The following FBXW5 variants were observed in gnomAD, a reference collection of about 807,000 sequenced individuals.
FBXW5 encodes the protein F-box/WD repeat-containing protein 5.
A neutral mutation model predicts 50.9 loss-of-function variants in FBXW5; 74 were observed. The observed-to-expected ratio is 1.45, with a 90% CI of 1.20 to 1.76. The LOEUF (loss-of-function observed/expected upper bound fraction) is 1.76, where lower values mean the gene tolerates loss of function less well. FBXW5 is among the 40% of genes most tolerant of loss of function. The pLI is 0.00. For synonymous variants in FBXW5, 523 were observed against 362.2 expected, an observed-to-expected ratio of 1.44 and a Z score of -5.04; for missense variants, 1,073 against 818.8, an observed-to-expected ratio of 1.31 and a Z score of -3.79.
intron 3 of FBXW5, 134 bp from the exon 4 acceptor site, chr9:136,943,077 A>T: frequency 1.5e-6 from 2 of 1,369,302 alleles, no homozygotes; most frequent in African/African-American, 1.4e-5. Flanking sequence ...CCTTCCAGCC[A>T]CTGTCATCCA....
intron 1 of FBXW5, chr9:136,944,314 T>G: frequency 1.3e-5 from 8 of 606,730 alleles, no homozygotes; most frequent in Non-Finnish European, 1.9e-5. Flanking sequence ...TCCCCCGGCC[T>G]CCTGCGGCCG....
Position 136,940,996 on chromosome 9 carries a change from G to A in FBXW5, c.1633C>T (p.Arg545Cys), listed in dbSNP as rs1425370792. 5.8e-6 allele frequency: 9 copies of A among 1,556,446 alleles called. No individual in the cohort carries two copies. Among genetic ancestry groups the A allele is most frequent in the East Asian group, 4.8e-5 (2 of 41,400 alleles). Residue 545 changes from arginine to cysteine, a missense_variant, in exon 9 of 9, where the codon CGC becomes TGC. Arg to Cys is a radical substitution (Grantham distance 180). Coordinates refer to ENST00000325285, the MANE Select transcript of FBXW5 (RefSeq NM_018998.4). ...IKAWRSPRTM[R>C]VLQAPRPRPR... is the part of the protein sequence containing the mutation. Reference sequence around the variant, plus strand: ...CGTGGGCGAGGTGCCTGGAGGACGCGCATGGTGCGTGGGGAGCGCCAGGCT... The same window carrying A: ...CGTGGGCGAGGTGCCTGGAGGACGCACATGGTGCGTGGGGAGCGCCAGGCT...
In FBXW5 at chr9:136,943,975, G is replaced by T; in HGVS notation, c.109C>A (p.Gln37Lys). 6.3e-7 allele frequency: 1 copy of T among 1,577,560 alleles called. No homozygotes were observed. Residue 37 changes from glutamine (Q) to lysine (K), a missense_variant, in exon 2 of 9, where the codon CAG becomes AAG. Physicochemically the swap from Gln to Lys is moderately conservative, Grantham distance 53. Transcript: ENST00000325285. Reference sequence around the variant, plus strand: ...AGGAACTCGTCCCGCGACACGGCCTGCCATTGGCGGCACACCAGCCCGGCG... The same window carrying T: ...AGGAACTCGTCCCGCGACACGGCCTTCCATTGGCGGCACACCAGCCCGGCG... ...LAAGLVCRQW[Q>K]AVSRDEFLWR...
rs1850708343 is a variant in FBXW5, at chr9:136,940,500, C to T, written c.*428G>A. ...TGCGTGGACATGCAACACACTCGGG[C>T]CCACAGCAGCGTGACCGGCCGCTCC... is the stretch of plus-strand genomic sequence containing the variant. On this transcript the variant is annotated 3_prime_UTR_variant, in exon 9 of 9. Coordinates refer to ENST00000325285, the MANE Select transcript of FBXW5 (RefSeq NM_018998.4). The T allele has an allele frequency of 4.0e-6, 1 of 252,990 alleles. No individual in the cohort carries two copies. The highest frequency in any genetic ancestry group is 2.2e-5 in the African/African-American group (1 of 45,428). 15.7% of individuals were successfully genotyped at this position (252,990 alleles called of 1,614,324 possible).
intron 1 of FBXW5, chr9:136,944,346 G>A (rs1038215935): frequency 3.2e-6 from 2 of 616,078 alleles, no homozygotes; most frequent in African/African-American, 2.0e-5. Flanking sequence ...CCCTCAGCCC[G>A]CCAGGGCCCG....
rs1009004185 is a variant in FBXW5 at position 136,940,825 on chromosome 9, C to CTTACG, written c.*102_*103insCGTAA. On this transcript the variant is annotated 3_prime_UTR_variant, in exon 9 of 9. Coordinates refer to ENST00000325285, the MANE Select transcript of FBXW5 (RefSeq NM_018998.4). ...GGGCCTGGTTGTCCCCTTCCTAAGG[C>CTTACG]GTAACTGCTATAAGCATCTCCACCT... 1 of 1,448,344 alleles carries CTTACG rather than the reference C, an allele frequency of 6.9e-7. No homozygotes were observed. Among genetic ancestry groups the CTTACG allele is most frequent in the African/African-American group, 1.4e-5 (1 of 71,032 alleles). 89.7% of individuals were successfully genotyped at this position (1,448,344 alleles called of 1,614,324 possible).
chr9:136,943,215 G>T, intron 3 of FBXW5, 134 bp downstream of exon 3: 1 of 1,235,960 alleles, frequency 8.1e-7, no homozygotes, highest in Non-Finnish European at 1.1e-6. Context: ...TCCGCTGGAT[G>T]CAGGGAGGCT....
rs998345583 is a variant in FBXW5 at position 136,940,938 on chromosome 9, T to C, written c.1691A>G (p.Gln564Arg). 3 of 1,576,482 alleles carry C rather than the reference T, an allele frequency of 1.9e-6. No individual in the cohort carries two copies. The highest frequency in any genetic ancestry group is 2.3e-5 in the South Asian group (2 of 87,190). ...TGCACCCAGCACACCTCAGCGCCTC[T>C]GGCTGGCAAGCCAGGAGAAGAAGGT... ...PRTFFSWLAS[Q>R]RR is the part of the protein sequence containing the mutation. Residue 564 changes from glutamine to arginine, a missense_variant, in exon 9 of 9, where the codon CAG (glutamine) becomes CGG (arginine). Transcript: ENST00000325285.
In FBXW5 at chr9:136,942,758, C is replaced by T; in HGVS notation, c.526+11G>A. 2 of 1,612,552 alleles carry T rather than the reference C, an allele frequency of 1.2e-6. No individual in the cohort carries two copies. The highest frequency in any genetic ancestry group is 1.7e-6 in the Non-Finnish European group (2 of 1,179,856). ...GGGCGGGGGCAGGGTCAACCCGCCG[C>T]CCGTGCTCACCTAGGCTGATGACAG... On this transcript the variant is annotated intron_variant, in intron 4 of 8. Coordinates refer to ENST00000325285, the MANE Select transcript of FBXW5 (RefSeq NM_018998.4).
Position 136,942,431 on chromosome 9 carries a change from C to T in FBXW5, c.711G>A (p.Arg237=), listed in dbSNP as rs1176055968. The T allele has an allele frequency of 6.2e-7, 1 of 1,601,942 alleles. No homozygotes were observed. Among genetic ancestry groups the T allele is most frequent in the African/African-American group, 1.3e-5 (1 of 74,788 alleles). ...VESENVNVVK[R]LFKIQNLNAS... ...CATTGAGGTTCTGGATCTTGAACAGCCGCTTCACCACGTTGACGTTCTCTG... is the reference window on the plus strand; with the variant it reads ...CATTGAGGTTCTGGATCTTGAACAGTCGCTTCACCACGTTGACGTTCTCTG... The change falls in exon 6 of 9, where the codon CGG becomes CGA. Residue 237 remains arginine, a synonymous_variant. Coordinates refer to ENST00000325285, the MANE Select transcript of FBXW5 (RefSeq NM_018998.4).
At position 136,942,367 on chromosome 9, in the gene FBXW5, G is replaced by A. The variant is rs573386356; in HGVS notation, c.775C>T (p.Arg259Cys). The change falls in exon 6 of 9, where the codon CGC (arginine) becomes TGC (cysteine). Residue 259 changes from arginine to cysteine, a missense_variant. Arg to Cys is a radical substitution (Grantham distance 180). Coordinates refer to ENST00000325285, the MANE Select transcript of FBXW5 (RefSeq NM_018998.4). ...VRTVMVADCS[R>C]FDSPDLLLEA... ...AGCAGCAGGTCAGGGCTGTCGAAGC[G>A]GCTGCAGTCGGCCACCATCACCGTG... is the stretch of plus-strand genomic sequence containing the variant. 3.7e-5 allele frequency: 59 copies of A among 1,610,054 alleles called. No individual in the cohort carries two copies. In the South Asian group the frequency reaches 5.0e-4, roughly 14 times the overall value.
rs749869265 is a variant in FBXW5, at chr9:136,942,759, C to T, written c.526+10G>A. On this transcript the variant is annotated intron_variant, in intron 4 of 8. Transcript: ENST00000325285. ...GGCGGGGGCAGGGTCAACCCGCCGC[C>T]CGTGCTCACCTAGGCTGATGACAGC... 1 of 1,612,008 alleles carries T rather than the reference C, an allele frequency of 6.2e-7. No homozygotes were observed. Among genetic ancestry groups the T allele is most frequent in the African/African-American group, 1.3e-5 (1 of 74,734 alleles).
At position 136,942,631 on chromosome 9, in the gene FBXW5, G is replaced by T. The variant is rs201987845; in HGVS notation, c.591C>A (p.Thr197=). ...GGTTCCCCGAGATGAGGCTGGTCTC[G>T]GTGAGCCAACAGCCAAACACGTCAT... is the stretch of plus-strand genomic sequence containing the variant. ...KPYDVFGCWL[T]ETSLISGNLH... Residue 197 remains threonine, a synonymous_variant, in exon 5 of 9, where the codon ACC becomes ACA. Coordinates refer to ENST00000325285, the MANE Select transcript of FBXW5 (RefSeq NM_018998.4). The T allele has an allele frequency of 3.1e-6, 5 of 1,609,446 alleles. No homozygotes were observed. Among genetic ancestry groups the T allele is most frequent in the African/African-American group, 1.3e-5 (1 of 74,950 alleles).
In FBXW5 at chr9:136,940,617, G is replaced by A. The variant is rs3750516; in HGVS notation, c.*311C>T. On this transcript the variant is annotated 3_prime_UTR_variant, in exon 9 of 9. Transcript: ENST00000325285. ...CCACAGGACCAGCCGAAGGTGCCCC[G>A]GGCCGAGGCCAGCTGGGTCAGGTGT... The A allele has an allele frequency of 2.7e-4, 103 of 386,934 alleles. 2 individuals are homozygous for A. The East Asian group carries it at 3.6e-3, about 13-fold the overall frequency. The allele number at this position is 386,934 out of a possible 1,614,324, so 24.0% of individuals were successfully genotyped here.
At position 136,944,103 on chromosome 9, in the gene FBXW5, G is replaced by A. The variant is rs764294737; in HGVS notation, c.-20C>T. ...GTCCATCGTGACATTCTGCCCAGGC[G>A]GCCCTGAAACCCACCAACGGCTGCC... On this transcript the variant is annotated 5_prime_UTR_variant, in exon 2 of 9. Transcript: ENST00000325285. 1.3e-5 allele frequency: 20 copies of A among 1,569,278 alleles called. No homozygotes were observed. The highest frequency in any genetic ancestry group is 5.9e-5 in the South Asian group (5 of 85,386).
In FBXW5 at chr9:136,940,994, G is replaced by A. The variant is rs375425927; in HGVS notation, c.1635C>T (p.Arg545=). ...GCCGTGGGCGAGGTGCCTGGAGGAC[G>A]CGCATGGTGCGTGGGGAGCGCCAGG... ...IKAWRSPRTM[R]VLQAPRPRPR... The change falls in exon 9 of 9, where the codon CGC becomes CGT. Residue 545 remains arginine (R), a synonymous_variant. Coordinates refer to ENST00000325285, the MANE Select transcript of FBXW5 (RefSeq NM_018998.4). The A allele has an allele frequency of 1.4e-4, 222 of 1,556,388 alleles. No individual in the cohort carries two copies. The highest frequency in any genetic ancestry group is 2.4e-4 in the East Asian group (10 of 41,400).
rs756125667 is a variant in FBXW5 at position 136,941,622 on chromosome 9, C to A, written c.1159G>T (p.Gly387Cys). The change falls in exon 7 of 9, where the codon GGC becomes TGC. Residue 387 changes from glycine (G) to cysteine (C), a missense_variant. Physicochemically the swap from Gly to Cys is radical, Grantham distance 159. Coordinates refer to ENST00000325285, the MANE Select transcript of FBXW5 (RefSeq NM_018998.4). ...TAGPVLGEGR[G>C]SDAFFDALDH... ...AGCGCGTCGAAGAAGGCATCGGAGC[C>A]CCGGCCCTCACCCAGCACGGGCCCT... 1.3e-6 allele frequency: 2 copies of A among 1,584,400 alleles called. No individual in the cohort carries two copies. Among genetic ancestry groups the A allele is most frequent in the Non-Finnish European group, 8.6e-7 (1 of 1,165,854 alleles).
Position 136,944,614 on chromosome 9 carries a change from G to A in FBXW5, c.-44C>T. The A allele has an allele frequency of 1.0e-6, 1 of 984,160 alleles. No homozygotes were observed. Among genetic ancestry groups the A allele is most frequent in the Non-Finnish European group, 1.2e-6 (1 of 828,994 alleles). 61.0% of individuals were successfully genotyped at this position (984,160 alleles called of 1,614,324 possible). On this transcript the variant is annotated 5_prime_UTR_variant, in exon 1 of 9. Transcript: ENST00000325285. ...CTCACCACGGCCGCCTCCGCCCGCT[G>A]CGCCGCCCCCGCCCTGCGCGACCCG...
chr9:136,940,840 C>T lies in FBXW5; in HGVS notation c.*88G>A, dbSNP rs962213229. ...CTTCCTAAGGCGTAACTGCTATAAG[C>T]ATCTCCACCTCTCCCGCTCGGGAAA... On this transcript the variant is annotated 3_prime_UTR_variant, in exon 9 of 9. Transcript: ENST00000325285. 2 of 1,488,080 alleles carry T rather than the reference C, an allele frequency of 1.3e-6. No homozygotes were observed. Among genetic ancestry groups the T allele is most frequent in the Non-Finnish European group, 1.8e-6 (2 of 1,118,760 alleles). The allele number at this position is 1,488,080 out of a possible 1,614,324, so 92.2% of individuals were successfully genotyped here.
Sources: allele counts gnomAD v4.1 joint callset, GRCh38; gene constraint gnomAD v4.1.1; transcripts MANE v1.5; gene names NCBI Gene and HGNC (gene_info 2026-07-23, HGNC 2026-07-21).